CC2D2A: variants seen among roughly 807,000 people sequenced by gnomAD.
The protein encoded by CC2D2A is coiled-coil and C2 domain-containing protein 2A.
CC2D2A carries 155 observed loss-of-function variants against 212.9 expected under a neutral mutation model. The observed-to-expected ratio is 0.73, with a 90% CI of 0.64 to 0.83. The LOEUF (loss-of-function observed/expected upper bound fraction) is 0.83. CC2D2A is among the 40% of genes least tolerant of loss of function. CC2D2A has a pLI of 0.00. For synonymous variants in CC2D2A, 667 were observed against 686.5 expected, an observed-to-expected ratio of 0.97 and a Z score of 0.44; for missense variants, 1,856 against 1,956.2, an observed-to-expected ratio of 0.95 and a Z score of 0.97.
intron 30 of CC2D2A, among the ~76,000 whole-genome samples, chr4:15,582,146 C>A (rs1720688843): frequency 6.6e-6 from 1 of 151,682 alleles, no homozygotes; most frequent in Non-Finnish European, 1.5e-5. Flanking sequence ...TTTAAAGTAC[C>A]AAGTGGAACT....
In CC2D2A at chr4:15,497,848, C is replaced by A. The variant is rs560531918; in HGVS notation, c.248-4581C>A. On this transcript the variant is annotated intron_variant, in intron 4 of 36. Coordinates refer to ENST00000424120, the MANE Select transcript of CC2D2A (RefSeq NM_001378615.1). Reference sequence around the variant, plus strand: ...GTTCTGCACATTTTAAAAGCAGGATCTTTGTGGTATATGGCTTATATGTCA... The same window carrying A: ...GTTCTGCACATTTTAAAAGCAGGATATTTGTGGTATATGGCTTATATGTCA... 2.1e-5 allele frequency among the ~76,000 whole-genome samples: 3 copies of A among 141,474 alleles called. No homozygotes were observed. In the Admixed American group the frequency reaches 2.1e-4, roughly 10 times the overall value. The allele number at this position is 141,474 out of a possible 152,430, so 92.8% of individuals were successfully genotyped here.
intron 11 of CC2D2A, among the ~76,000 whole-genome samples, chr4:15,522,694 A>C (rs927291312): frequency 4.6e-5 from 7 of 152,194 alleles, no homozygotes; most frequent in Admixed American, 1.3e-4. Context: ...GAAAGAATAC[A>C]ATTTAATACA....
At chr4:15,524,238 A>G (rs566668767) in intron 11 of CC2D2A, among the ~76,000 whole-genome samples, 10 of 151,576 alleles carry the variant, frequency 6.6e-5, no homozygotes, top group South Asian at 2.1e-4. Context: ...GGTTCAAGCA[A>G]TTCTCTGCCT....
At chr4:15,572,021 T>C (rs760936078) in intron 28 of CC2D2A, among the ~76,000 whole-genome samples, 1 of 152,222 alleles carries the variant, frequency 6.6e-6, no homozygotes, top group African/African-American at 2.4e-5. Context: ...TTCCTTGAAC[T>C]GTGCCATAAT....
At chr4:15,520,210 G>A (rs1407562437) in intron 11 of CC2D2A, among the ~76,000 whole-genome samples, 1 of 152,064 alleles carries the variant, frequency 6.6e-6, no homozygotes. Context: ...ATATGAGTAT[G>A]ACCTTTTTAA....
intron 6 of CC2D2A, among the ~76,000 whole-genome samples, chr4:15,509,003 G>A (rs1353468371): frequency 1.3e-5 from 2 of 152,196 alleles, no homozygotes; most frequent in East Asian, 1.9e-4. Flanking sequence ...AGGAGAGATG[G>A]GTAAGAAGTT....
chr4:15,519,411 AT>A, intron 11 of CC2D2A: 1 of 404,706 alleles, frequency 2.5e-6, no homozygotes, highest in South Asian at 1.9e-5. Flanking sequence ...ACTTTCCCAC[AT>A]TTTCCTGTCT....
intron 4 of CC2D2A, among the ~76,000 whole-genome samples, chr4:15,499,877 G>A (rs1017003886): frequency 1.3e-5 from 2 of 152,046 alleles, no homozygotes; most frequent in Non-Finnish European, 1.5e-5. Context: ...CACATGCTTA[G>A]TGATACTTAA....
chr4:15,528,831 A>G, intron 13 of CC2D2A, 105 bp downstream of exon 13: 1 of 712,002 alleles, frequency 1.4e-6, no homozygotes, highest in Non-Finnish European at 2.3e-6. Context: ...AATACATGTG[A>G]AATTATGCCA....
intron 4 of CC2D2A, among the ~76,000 whole-genome samples, chr4:15,488,896 CATAT>C (rs1164719855): frequency 1.3e-5 from 2 of 152,204 alleles, no homozygotes; most frequent in Non-Finnish European, 2.9e-5. Flanking sequence ...GCTCTTCAAA[CATAT>C]ATATAGTCAT....
intron 36 of CC2D2A, among the ~76,000 whole-genome samples, chr4:15,600,051 T>C (rs1203641007): frequency 6.6e-6 from 1 of 152,210 alleles, no homozygotes; most frequent in Non-Finnish European, 1.5e-5. Flanking sequence ...TTTATACTGA[T>C]TGCTTTTCAT....
At chr4:15,582,093 A>G (rs1720686897) in intron 30 of CC2D2A, among the ~76,000 whole-genome samples, 1 of 152,214 alleles carries the variant, frequency 6.6e-6, no homozygotes, top group Non-Finnish European at 1.5e-5. Context: ...AATTTAAAGT[A>G]TAATTAAAAA....
intron 32 of CC2D2A, among the ~76,000 whole-genome samples, chr4:15,588,857 A>G (rs980743557): frequency 4.6e-5 from 7 of 152,148 alleles, no homozygotes; most frequent in Non-Finnish European, 7.3e-5. Context: ...GCATCAAGTG[A>G]AATCATACAG....
intron 11 of CC2D2A, chr4:15,519,698 CAA>C (rs765255613): frequency 2.1e-5 from 9 of 425,020 alleles, no homozygotes; most frequent in Non-Finnish European, 2.3e-5. Flanking sequence ...TGGCAGCAGG[CAA>C]AAAGAGAGCT....
At chr4:15,502,350 A>C in intron 4 of CC2D2A, 79 bp from the exon 5 acceptor site, 8 of 1,115,508 alleles carry the variant, frequency 7.2e-6, no homozygotes, top group African/African-American at 1.6e-5. Flanking sequence ...GGGGGAGGGA[A>C]TTGTTTTAAA....
At chr4:15,543,247 T>C (rs942693420) in intron 17 of CC2D2A, among the ~76,000 whole-genome samples, 5 of 152,222 alleles carry the variant, frequency 3.3e-5, no homozygotes, top group East Asian at 1.9e-4. Flanking sequence ...TTTAGAACTT[T>C]AGAATTTGGC....
intron 4 of CC2D2A, among the ~76,000 whole-genome samples, chr4:15,489,145 T>G (rs1477273180): frequency 6.6e-6 from 1 of 152,216 alleles, no homozygotes; most frequent in Admixed American, 6.5e-5. Flanking sequence ...AGAGCCAATT[T>G]GTCAGTATTG....
chr4:15,581,249 G>A (rs892539097), intron 30 of CC2D2A, among the ~76,000 whole-genome samples: 1 of 152,088 alleles, frequency 6.6e-6, no homozygotes, highest in African/African-American at 2.4e-5. Flanking sequence ...AATTTTTATA[G>A]AAAACAATAA....
Position 15,587,812 on chromosome 4 carries a change from T to C in CC2D2A, c.4066-4T>C, listed in dbSNP as rs1416898962. ...ACAACATAATTTTTTTTTCTTTTTG[T>C]CAGCAATTTCTTGATCTCCTGGCAG... On this transcript the variant is annotated splice_polypyrimidine_tract_variant and splice_region_variant and intron_variant, in intron 31 of 36. Coordinates refer to ENST00000424120, the MANE Select transcript of CC2D2A (RefSeq NM_001378615.1). 6.4e-7 allele frequency: 1 copy of C among 1,567,410 alleles called. No homozygotes were observed. Among genetic ancestry groups the C allele is most frequent in the East Asian group, 2.2e-5 (1 of 44,628 alleles).
Sources: allele counts gnomAD v4.1 joint callset (sites outside exome capture counted in the v4.1 genomes callset), GRCh38; gene constraint gnomAD v4.1.1; transcripts MANE v1.5; gene names NCBI Gene and HGNC (gene_info 2026-07-23, HGNC 2026-07-21).